NKAIN2: variants seen among roughly 807,000 people sequenced by gnomAD.
NKAIN2 encodes the protein sodium/potassium-transporting ATPase subunit beta-1-interacting protein 2.
A neutral mutation model predicts 32.6 loss-of-function variants in NKAIN2; 14 were observed. That is an observed-to-expected ratio of 0.43 (90% confidence interval 0.28 to 0.67). The LOEUF (loss-of-function observed/expected upper bound fraction) is 0.67. NKAIN2 is among the 30% of genes least tolerant of loss of function. The pLI, the probability that NKAIN2 is intolerant of heterozygous loss-of-function variation, is 0.17. For synonymous variants in NKAIN2, 80 were observed against 87.2 expected (o/e 0.92, Z 0.46); for missense variants, 198 against 258.3 (o/e 0.77, Z 1.60).
intron 1 of NKAIN2, among the ~76,000 whole-genome samples, chr6:123,845,902 T>G (rs1775068394): frequency 6.6e-6 from 1 of 152,212 alleles, no homozygotes; most frequent in Non-Finnish European, 1.5e-5. Flanking sequence ...ATCTAACATA[T>G]ATACAAATTA....
At chr6:124,533,493 C>T (rs1015036503) in intron 3 of NKAIN2, among the ~76,000 whole-genome samples, 2 of 53,622 alleles carry the variant, frequency 3.7e-5, no homozygotes, top group African/African-American at 1.2e-4. Flanking sequence ...AAAAAAAAAT[C>T]CTGCTGATTG....
At chr6:124,193,989 G>T (rs752144671) in intron 1 of NKAIN2, among the ~76,000 whole-genome samples, 2 of 152,140 alleles carry the variant, frequency 1.3e-5, no homozygotes, top group Non-Finnish European at 2.9e-5. Flanking sequence ...GAAGACCCTG[G>T]AGCCGGTAGA....
At chr6:124,696,319 CTGCTTCTGAGGT>C (rs1263843959) in intron 4 of NKAIN2, among the ~76,000 whole-genome samples, 3 of 152,100 alleles carry the variant, frequency 2.0e-5, no homozygotes, top group African/African-American at 7.2e-5. Context: ...GCTTCTGAGG[CTGCTTCTGAGGT>C]TTTCCAATTT....
At position 124,778,550 on chromosome 6, in the gene NKAIN2, G is replaced by A. The variant is rs534148276; in HGVS notation, c.475-12789G>A. 3.5e-3 allele frequency among the ~76,000 whole-genome samples: 532 copies of A among 152,020 alleles called. 1 individual carries two copies. The highest frequency in any genetic ancestry group is 6.2e-3 in the Admixed American group (95 of 15,270). ...ATGATATAATAATTTAAAAGAGAAA[G>A]TAAGAACTGATGATCTGGATAGAAT... On this transcript the variant is annotated intron_variant, in intron 4 of 6. Transcript: ENST00000368417.
chr6:123,892,918 G>T (rs113154995), intron 1 of NKAIN2, among the ~76,000 whole-genome samples: 1 of 151,162 alleles, frequency 6.6e-6, no homozygotes, highest in East Asian at 2.0e-4. Context: ...CAATCATCAC[G>T]TATTTTTTTC....
At chr6:123,851,296 C>T (rs1775337108) in intron 1 of NKAIN2, among the ~76,000 whole-genome samples, 1 of 121,822 alleles carries the variant, frequency 8.2e-6, no homozygotes, top group African/African-American at 3.2e-5. Flanking sequence ...GTCTCTCAGG[C>T]TGGAGTGCAA....
At chr6:124,388,156 AT>A (rs1772990176) in intron 3 of NKAIN2, among the ~76,000 whole-genome samples, 1 of 151,098 alleles carries the variant, frequency 6.6e-6, no homozygotes, top group Non-Finnish European at 1.5e-5. Flanking sequence ...CTACTTCCAC[AT>A]TTTTTAACCT....
Position 124,493,104 on chromosome 6 carries a change from G to A in NKAIN2, c.273+137757G>A, listed in dbSNP as rs1189899232. Among the ~76,000 whole-genome samples, 4 of 152,028 alleles carry A rather than the reference G, an allele frequency of 2.6e-5. No homozygotes were observed. The East Asian group carries it at 7.7e-4, about 29-fold the overall frequency. ...TGTAAAGGGCTTAGCACCATAATTA[G>A]CACACAGTGAGCACTCTCATTAAAT... On this transcript the variant is annotated intron_variant, in intron 3 of 6. Coordinates refer to ENST00000368417, the MANE Select transcript of NKAIN2 (RefSeq NM_001040214.3).
At chr6:123,911,801 G>GTATATATATATATGTATATATATATATA (rs200270867) in intron 1 of NKAIN2, among the ~76,000 whole-genome samples, 4 of 58,392 alleles carry the variant, frequency 6.9e-5, no homozygotes, top group Non-Finnish European at 1.3e-4. Context: ...ATATATATAT[G>GTATATATATATATGTATATATATATATA]TATATATATA....
At chr6:124,706,995 C>A (rs1472671232) in intron 4 of NKAIN2, among the ~76,000 whole-genome samples, 1 of 133,660 alleles carries the variant, frequency 7.5e-6, no homozygotes, top group Non-Finnish European at 1.6e-5. Context: ...CCCCCCTCCC[C>A]CCACCCCACC....
chr6:123,926,977 A>G (rs985988354), intron 1 of NKAIN2, among the ~76,000 whole-genome samples: 5 of 152,216 alleles, frequency 3.3e-5, no homozygotes, highest in Non-Finnish European at 7.3e-5. Context: ...AGGCAAGGCT[A>G]GGGATTCTTT....
At chr6:124,705,266 G>C (rs564974921) in intron 4 of NKAIN2, among the ~76,000 whole-genome samples, 7 of 152,226 alleles carry the variant, frequency 4.6e-5, no homozygotes, top group African/African-American at 1.7e-4. Flanking sequence ...TTATTAAGCA[G>C]TGCAAGCTGA....
In NKAIN2 at chr6:124,823,319, C is replaced by T. The variant is rs1172579761; in HGVS notation, c.*90C>T. The T allele has an allele frequency of 4.4e-6, 4 of 904,470 alleles. No individual in the cohort carries two copies. In the Admixed American group the frequency reaches 5.1e-5, roughly 12 times the overall value. The allele number at this position is 904,470 out of a possible 1,614,324, so 56.0% of individuals were successfully genotyped here. On this transcript the variant is annotated 3_prime_UTR_variant, in exon 7 of 7. Transcript: ENST00000368417. ...GCATTTCATGAAGAGCAAGAAGCAACTGAGTTTAAATACATACACGTATTA... is the reference window on the plus strand; with the variant it reads ...GCATTTCATGAAGAGCAAGAAGCAATTGAGTTTAAATACATACACGTATTA...
rs199676195 is a variant in NKAIN2, at chr6:124,708,907, G to A, written c.474+50521G>A. Among the ~76,000 whole-genome samples the A allele has an allele frequency of 3.3e-4, 48 of 146,606 alleles. 2 individuals are homozygous for A. In the East Asian group the frequency reaches 9.5e-3, roughly 29 times the overall value. ...AGGAGTGGTGAGAGAGGGCATCCCT[G>A]TCTTGTGCCAGTTTTCAAAGGGAAT... On this transcript the variant is annotated intron_variant, in intron 4 of 6. Transcript: ENST00000368417.
chr6:124,409,781 A>T (rs908384210), intron 3 of NKAIN2, among the ~76,000 whole-genome samples: 1 of 152,040 alleles, frequency 6.6e-6, no homozygotes, highest in African/African-American at 2.4e-5. Flanking sequence ...CCAGCTCCTC[A>T]TTGTACCTAT....
chr6:124,320,346 G>A (rs962026565), intron 2 of NKAIN2, among the ~76,000 whole-genome samples: 1 of 152,076 alleles, frequency 6.6e-6, no homozygotes, highest in Non-Finnish European at 1.5e-5. Context: ...CAACTCAAAT[G>A]AAGAAATTTT....
chr6:124,061,278 T>C (rs1344524950), intron 1 of NKAIN2, among the ~76,000 whole-genome samples: 5 of 152,092 alleles, frequency 3.3e-5, no homozygotes, highest in African/African-American at 1.2e-4. Flanking sequence ...ATAATGACAT[T>C]CTCAAAGGTG....
intron 4 of NKAIN2, among the ~76,000 whole-genome samples, chr6:124,695,781 G>A (rs1398357636): frequency 6.6e-6 from 1 of 152,198 alleles, no homozygotes; most frequent in Non-Finnish European, 1.5e-5. Context: ...AGGAAGGAGG[G>A]CTGCAGGAAC....
chr6:124,652,142 A>G (rs1308553211), intron 3 of NKAIN2, among the ~76,000 whole-genome samples: 7 of 152,192 alleles, frequency 4.6e-5, no homozygotes, highest in Non-Finnish European at 7.3e-5. Flanking sequence ...TCACTCTTAA[A>G]TTCCATCTTC....
Sources: allele counts gnomAD v4.1 joint callset (sites outside exome capture counted in the v4.1 genomes callset), GRCh38; gene constraint gnomAD v4.1.1; transcripts MANE v1.5; gene names NCBI Gene and HGNC (gene_info 2026-07-23, HGNC 2026-07-21).